Variants in PAXX observed in about 807,000 individuals in gnomAD.
PAXX encodes PAXX non-homologous end joining factor, also known as protein PAXX.
In PAXX, 27 loss-of-function variants were observed where a neutral mutation model predicts 25.6. The ratio of observed to expected loss-of-function variants is 1.06; its 90% CI spans 0.78 to 1.46. The LOEUF (loss-of-function observed/expected upper bound fraction) is 1.46. Among genes scored for constraint, PAXX ranks in the 40% most tolerant of loss-of-function variants. The probability of loss-of-function intolerance (pLI) is 0.00; values close to 1 mark genes in which losing one functional copy is unlikely to be tolerated. For missense variants in PAXX, 295 were observed against 280.2 expected, an observed-to-expected ratio of 1.05 and a Z score of -0.38; for synonymous variants, 126 against 125.7, an observed-to-expected ratio of 1.00 and a Z score of -0.02.
intron 2 of PAXX, 78 bp downstream of exon 2, chr9:136,992,778 G>A: frequency 6.3e-7 from 1 of 1,575,588 alleles, no homozygotes. Flanking sequence ...CAGACATCTG[G>A]GATTCCCCAG....
rs1830621703 is a variant in PAXX, at chr9:136,993,128, C to T, written c.306C>T (p.Pro102=). The T allele has an allele frequency of 6.2e-7, 1 of 1,600,310 alleles. No individual in the cohort carries two copies. The highest frequency in any genetic ancestry group is 8.5e-7 in the Non-Finnish European group (1 of 1,173,692). ...CATCCCTGACGCTTTCAGGGGGGCC[C>T]TCGGCACTGGCCTTTGACCTCTCCA... ...DRASLTLSGG[P]SALAFDLSKV... is the part of the protein sequence containing the mutation. Residue 102 remains proline, a synonymous_variant, in exon 4 of 7, where the codon CCC becomes CCT. Coordinates refer to ENST00000371620, the MANE Select transcript of PAXX (RefSeq NM_183241.3).
At chr9:136,993,488 C>T (rs1830634713) in intron 5 of PAXX, 77 bp downstream of exon 5, 1 of 1,597,200 alleles carries the variant, frequency 6.3e-7, no homozygotes. Flanking sequence ...AAACAAGACT[C>T]ACGCTCCAGA....
At chr9:136,993,432 A>G in intron 5 of PAXX, 21 bp downstream of exon 5, 2 of 1,603,028 alleles carry the variant, frequency 1.2e-6, no homozygotes, top group Non-Finnish European at 1.7e-6. Context: ...TCCGCCTGTG[A>G]CTCAAGTAGG....
Position 136,993,252 on chromosome 9 carries a change from G to A in PAXX, c.421+9G>A, listed in dbSNP as rs1447260170. On this transcript the variant is annotated intron_variant, in intron 4 of 6. Coordinates refer to ENST00000371620, the MANE Select transcript of PAXX (RefSeq NM_183241.3). ...GGAGCGGCGACTGGCAGGTAGGATT[G>A]GGGGTGGGCACCTCATACCTTCACT... 1 of 1,546,148 alleles carries A rather than the reference G, an allele frequency of 6.5e-7. No homozygotes were observed.
chr9:136,993,129 T>A lies in PAXX; in HGVS notation c.307T>A (p.Ser103Thr). The A allele has an allele frequency of 6.2e-7, 1 of 1,600,090 alleles. No individual in the cohort carries two copies. ...ATCCCTGACGCTTTCAGGGGGGCCCTCGGCACTGGCCTTTGACCTCTCCAA... is the reference window on the plus strand; with the variant it reads ...ATCCCTGACGCTTTCAGGGGGGCCCACGGCACTGGCCTTTGACCTCTCCAA... The part of the protein sequence containing the change: ...RASLTLSGGP[S>T]ALAFDLSKVP... Residue 103 changes from serine to threonine, a missense_variant, in exon 4 of 7, where the codon TCG (serine) becomes ACG (threonine). Transcript: ENST00000371620.
Position 136,993,241 on chromosome 9 carries a change from C to G in PAXX, c.419C>G (p.Ala140Gly). 1 of 1,540,922 alleles carries G rather than the reference C, an allele frequency of 6.5e-7. No individual in the cohort carries two copies. Among genetic ancestry groups the G allele is most frequent in the African/African-American group, 1.4e-5 (1 of 72,596 alleles). The stretch of plus-strand genomic sequence containing the variant: ...GTGTGGAGCCTGGAGCGGCGACTGG[C>G]AGGTAGGATTGGGGGTGGGCACCTC... Reference protein sequence around the residue: ...KRVWSLERRLAAAEETAVSPR... With the variant: ...KRVWSLERRLGAAEETAVSPR... Residue 140 changes from alanine (A) to glycine (G), a missense_variant and splice_region_variant, in exon 4 of 7, where the codon GCA becomes GGA. Physicochemically the swap from Ala to Gly is moderately conservative, Grantham distance 60. Coordinates refer to ENST00000371620, the MANE Select transcript of PAXX (RefSeq NM_183241.3).
At position 136,993,241 on chromosome 9, in the gene PAXX, C is replaced by T. The variant is rs770035022; in HGVS notation, c.419C>T (p.Ala140Val). ...KRVWSLERRL[A>V]AAEETAVSPR... The stretch of plus-strand genomic sequence containing the variant: ...GTGTGGAGCCTGGAGCGGCGACTGG[C>T]AGGTAGGATTGGGGGTGGGCACCTC... Residue 140 changes from alanine to valine, a missense_variant and splice_region_variant, in exon 4 of 7, where the codon GCA (alanine) becomes GTA (valine). Ala to Val is a moderately conservative substitution (Grantham distance 64, BLOSUM62 0). Transcript: ENST00000371620. The T allele has an allele frequency of 6.5e-7, 1 of 1,540,922 alleles. No individual in the cohort carries two copies. Among genetic ancestry groups the T allele is most frequent in the South Asian group, 1.2e-5 (1 of 81,226 alleles).
At position 136,993,916 on chromosome 9, in the gene PAXX, C is replaced by A; in HGVS notation, c.*111C>A. 1 of 1,057,588 alleles carries A rather than the reference C, an allele frequency of 9.5e-7. No homozygotes were observed. The allele number at this position is 1,057,588 out of a possible 1,614,324, so 65.5% of individuals were successfully genotyped here. On this transcript the variant is annotated 3_prime_UTR_variant, in exon 7 of 7. Coordinates refer to ENST00000371620, the MANE Select transcript of PAXX (RefSeq NM_183241.3). ...ACCACCTCCACCTGCCTGTCCTGGG[C>A]CAGGACTAACACGGCTCCTCAAATT...
chr9:136,992,584 G>C, intron 1 of PAXX, 22 bp downstream of exon 1: 1 of 1,516,666 alleles, frequency 6.6e-7, no homozygotes. Flanking sequence ...TCCGCGGGGA[G>C]GTAGGGGTGC....
At position 136,992,802 on chromosome 9, in the gene PAXX, C is replaced by T. The variant is rs1830606672; in HGVS notation, c.180+102C>T. On this transcript the variant is annotated intron_variant, in intron 2 of 6. Transcript: ENST00000371620. ...GGGATTCCCCAGAAGGCTCTGACAC[C>T]CTCTGCCCGCCCTGTAGCTGTAGTC... The T allele has an allele frequency of 1.9e-6, 3 of 1,589,246 alleles. 1 individual carries two copies. Among genetic ancestry groups the T allele is most frequent in the South Asian group, 2.2e-5 (2 of 90,484 alleles).
chr9:136,993,318 G>C (rs1240101871), intron 4 of PAXX, 25 bp from the exon 5 acceptor site: 2 of 1,598,444 alleles, frequency 1.3e-6, no homozygotes. Context: ...CACTGAGTGG[G>C]GTTCCCATGG....
In PAXX at chr9:136,993,339, C is replaced by G. The variant is rs1200251588; in HGVS notation, c.422-4C>G. The G allele has an allele frequency of 1.2e-6, 2 of 1,604,328 alleles. No homozygotes were observed. The highest frequency in any genetic ancestry group is 2.2e-5 in the East Asian group (1 of 44,586). On this transcript the variant is annotated splice_polypyrimidine_tract_variant and splice_region_variant and intron_variant, in intron 4 of 6. Transcript: ENST00000371620. The stretch of plus-strand genomic sequence containing the variant: ...GTGGGGTTCCCATGGGCTTTCCTCC[C>G]CAGCTGCAGAAGAGACAGCTGTCAG...
Position 136,993,248 on chromosome 9 carries a change from G to T in PAXX, c.421+5G>T, listed in dbSNP as rs572498199. The T allele has an allele frequency of 4.9e-5, 75 of 1,545,332 alleles. No homozygotes were observed. Among genetic ancestry groups the T allele is most frequent in the Admixed American group, 3.6e-4 (18 of 49,804 alleles). Reference sequence around the variant, plus strand: ...GCCTGGAGCGGCGACTGGCAGGTAGGATTGGGGGTGGGCACCTCATACCTT... The same window carrying T: ...GCCTGGAGCGGCGACTGGCAGGTAGTATTGGGGGTGGGCACCTCATACCTT... On this transcript the variant is annotated splice_donor_5th_base_variant and intron_variant, in intron 4 of 6. Coordinates refer to ENST00000371620, the MANE Select transcript of PAXX (RefSeq NM_183241.3).
Position 136,992,493 on chromosome 9 carries a change from C to A in PAXX, c.50C>A (p.Pro17Gln). ...TGCACGCTGCCGCCGGGCCCCGAGC[C>A]GCCCCGCTTCGTGTGCTACTGCGAA... ...PLCTLPPGPE[P>Q]PRFVCYCEGE... The change falls in exon 1 of 7, where the codon CCG becomes CAG. Residue 17 changes from proline (P) to glutamine (Q), a missense_variant. Pro to Gln is a moderately conservative substitution (Grantham distance 76, BLOSUM62 -1). Coordinates refer to ENST00000371620, the MANE Select transcript of PAXX (RefSeq NM_183241.3). The A allele has an allele frequency of 7.2e-7, 1 of 1,390,826 alleles. No homozygotes were observed. Among genetic ancestry groups the A allele is most frequent in the South Asian group, 1.6e-5 (1 of 62,338 alleles). 86.2% of individuals were successfully genotyped at this position (1,390,826 alleles called of 1,614,324 possible).
In PAXX at chr9:136,993,826, C is replaced by T; in HGVS notation, c.*21C>T. The T allele has an allele frequency of 1.2e-6, 2 of 1,612,690 alleles. No homozygotes were observed. Among genetic ancestry groups the T allele is most frequent in the Non-Finnish European group, 1.7e-6 (2 of 1,179,950 alleles). On this transcript the variant is annotated 3_prime_UTR_variant, in exon 7 of 7. Coordinates refer to ENST00000371620, the MANE Select transcript of PAXX (RefSeq NM_183241.3). ...CCTGAAGGTGCAGCACAAGCGTGGC[C>T]CCGCGGGGAGTCCGCCTATGAGGGG...
Position 136,992,469 on chromosome 9 carries a change from G to A in PAXX, c.26G>A (p.Cys9Tyr). The A allele has an allele frequency of 2.2e-6, 3 of 1,378,454 alleles. No individual in the cohort carries two copies. The South Asian group carries it at 4.8e-5, about 22-fold the overall frequency. The allele number at this position is 1,378,454 out of a possible 1,614,324, so 85.4% of individuals were successfully genotyped here. Residue 9 changes from cysteine (C) to tyrosine (Y), a missense_variant, in exon 1 of 7, where the codon TGC becomes TAC. By Grantham distance (194) the Cys-to-Tyr change is radical. Coordinates refer to ENST00000371620, the MANE Select transcript of PAXX (RefSeq NM_183241.3). MDPLSPPL[C>Y]TLPPGPEPPR... ...ATGGATCCGCTGTCGCCGCCGCTCT[G>A]CACGCTGCCGCCGGGCCCCGAGCCG...
In PAXX at chr9:136,993,167, A is replaced by G; in HGVS notation, c.345A>G (p.Pro115=). The change falls in exon 4 of 7, where the codon CCA becomes CCG. Residue 115 remains proline (P), a synonymous_variant. Transcript: ENST00000371620. ...LAFDLSKVPG[P]EAAPRLRALT... ...TTGACCTCTCCAAGGTACCAGGCCC[A>G]GAGGCAGCCCCCAGGCTGCGGGCGC... The G allele has an allele frequency of 6.4e-7, 1 of 1,563,710 alleles. No individual in the cohort carries two copies. Among genetic ancestry groups the G allele is most frequent in the Non-Finnish European group, 8.6e-7 (1 of 1,156,998 alleles).
intron 1 of PAXX, 22 bp downstream of exon 1, chr9:136,992,584 G>A: frequency 6.6e-7 from 1 of 1,516,666 alleles, no homozygotes. Context: ...TCCGCGGGGA[G>A]GTAGGGGTGC....
In PAXX at chr9:136,992,550, G is replaced by A; in HGVS notation, c.107G>A (p.Gly36Asp). 6.8e-7 allele frequency: 1 copy of A among 1,473,452 alleles called. No individual in the cohort carries two copies. Among genetic ancestry groups the A allele is most frequent in the Non-Finnish European group, 9.0e-7 (1 of 1,106,890 alleles). The allele number at this position is 1,473,452 out of a possible 1,614,324, so 91.3% of individuals were successfully genotyped here. ...GEESGEGDRG[G>D]FNLYVTDAAE... Reference sequence around the variant, plus strand: ...GAAAGCGGGGAGGGGGACCGCGGCGGCTTCAACCTCTAGTGAGTGGGGGTC... The same window carrying A: ...GAAAGCGGGGAGGGGGACCGCGGCGACTTCAACCTCTAGTGAGTGGGGGTC... The change falls in exon 1 of 7, where the codon GGC becomes GAC. Residue 36 changes from glycine (G) to aspartate (D), a missense_variant. Transcript: ENST00000371620.
Sources: gnomAD v4.1 joint callset for allele counts on GRCh38, gnomAD v4.1.1 for gene constraint, MANE v1.5 for transcripts, NCBI Gene and HGNC (gene_info 2026-07-23, HGNC 2026-07-21) for gene names.